The following RARB variants were observed in gnomAD, a reference collection of about 807,000 sequenced individuals.
The protein encoded by RARB is retinoic acid receptor beta.
A neutral mutation model predicts 51.9 loss-of-function variants in RARB; 17 were observed. The ratio of observed to expected loss-of-function variants is 0.33; its 90% CI spans 0.22 to 0.49. RARB has a LOEUF of 0.49. RARB is among the 20% of genes least tolerant of loss of function. The pLI is 0.99. For synonymous variants in RARB, 215 were observed against 195.4 expected (o/e 1.10, Z -0.84); for missense variants, 369 against 550.8 (o/e 0.67, Z 3.30).
At chr3:24,960,131 C>A (rs1356030077) in intron 2 of RARB, among the ~76,000 whole-genome samples, 1 of 152,166 alleles carries the variant, frequency 6.6e-6, no homozygotes, top group Non-Finnish European at 1.5e-5. Context: ...CTTTCCCTTT[C>A]AGGTTCTACC....
Position 25,379,344 on chromosome 3 carries a change from A to G in RARB, c.179-81849A>G, listed in dbSNP as rs141485270. 1.7e-4 allele frequency among the ~76,000 whole-genome samples: 26 copies of G among 152,290 alleles called. No individual in the cohort carries two copies. In the East Asian group the frequency reaches 4.4e-3, roughly 26 times the overall value. On this transcript the variant is annotated intron_variant, in intron 5 of 11. Coordinates refer to the RARB transcript ENST00000383772. ...CTTTCTACTATTTCTTGAACATGGA[A>G]ACAAAAAAAAATTACTAGACTCACA...
intron 5 of RARB, among the ~76,000 whole-genome samples, chr3:25,371,315 G>A (rs965642608): frequency 6.6e-5 from 10 of 152,114 alleles, no homozygotes; most frequent in Non-Finnish European, 1.2e-4. Context: ...GTTGGGATGT[G>A]GACAAGGCTT....
At chr3:25,557,295 A>T (rs892593246) in intron 3 of RARB, among the ~76,000 whole-genome samples, 1 of 152,204 alleles carries the variant, frequency 6.6e-6, no homozygotes, top group Non-Finnish European at 1.5e-5. Context: ...TCTATTTCAC[A>T]TTAAGTCAAT....
At chr3:24,874,353 T>G (rs1264448343) in intron 2 of RARB, among the ~76,000 whole-genome samples, 1 of 152,128 alleles carries the variant, frequency 6.6e-6, no homozygotes, top group Non-Finnish European at 1.5e-5. Context: ...AATTTTGTTC[T>G]TCATTGGTGA....
chr3:25,583,510 C>T (rs73151335), intron 5 of RARB, among the ~76,000 whole-genome samples: 1,740 of 152,322 alleles, frequency 0.011, 41 homozygotes, highest in African/African-American at 0.04. Flanking sequence ...TCCAACTGCA[C>T]GCCTGCCAGG....
upstream of RARB, among the ~76,000 whole-genome samples, chr3:25,426,556 C>A (rs1707994888): frequency 6.6e-6 from 1 of 152,176 alleles, no homozygotes; most frequent in Non-Finnish European, 1.5e-5. Flanking sequence ...TTTAAAAGGC[C>A]CGGATGCCAA....
At chr3:25,366,816 T>C (rs1008332516) in intron 5 of RARB, among the ~76,000 whole-genome samples, 1 of 152,198 alleles carries the variant, frequency 6.6e-6, no homozygotes, top group Non-Finnish European at 1.5e-5. Flanking sequence ...CTAAATATTA[T>C]CCTTGCATTT....
rs555691890 is a variant in RARB at position 25,237,686 on chromosome 3, C to T, written c.178+63111C>T. Reference sequence around the variant, plus strand: ...CCATCATCACTATCTAATTCCAGAACATGTTATATCACCCCAAAAAGAAAC... The same window carrying T: ...CCATCATCACTATCTAATTCCAGAATATGTTATATCACCCCAAAAAGAAAC... On this transcript the variant is annotated intron_variant, in intron 5 of 11. Coordinates refer to the RARB transcript ENST00000383772. Among the ~76,000 whole-genome samples the T allele has an allele frequency of 2.0e-3, 302 of 152,158 alleles. 3 individuals carry two copies. The highest frequency in any genetic ancestry group is 7.1e-3 in the African/African-American group (294 of 41,554).
chr3:25,484,592 A>G (rs1175499503), intron 2 of RARB, among the ~76,000 whole-genome samples: 2 of 152,300 alleles, frequency 1.3e-5, no homozygotes, highest in African/African-American at 4.8e-5. Flanking sequence ...AAAAATTAAT[A>G]TAACATATGA....
intron 3 of RARB, among the ~76,000 whole-genome samples, chr3:25,071,571 C>G (rs1040476678): frequency 3.9e-5 from 6 of 152,162 alleles, no homozygotes; most frequent in African/African-American, 1.4e-4. Flanking sequence ...AAACTTAGTT[C>G]TTTTGCTTCC....
chr3:25,175,516 C>G (rs940181474), intron 5 of RARB, among the ~76,000 whole-genome samples: 4 of 152,190 alleles, frequency 2.6e-5, no homozygotes, highest in Admixed American at 2.0e-4. Context: ...ATATTGTGCT[C>G]TTCGTGCCTT....
intron 1 of RARB, among the ~76,000 whole-genome samples, chr3:24,843,396 A>G (rs1702443409): frequency 6.6e-6 from 1 of 152,186 alleles, no homozygotes; most frequent in Admixed American, 6.5e-5. Flanking sequence ...GGGACCTCAG[A>G]AAAGGTACTT....
chr3:25,074,140 A>G (rs1282147100), intron 3 of RARB, among the ~76,000 whole-genome samples: 1 of 152,230 alleles, frequency 6.6e-6, no homozygotes. Flanking sequence ...ATTAAAGTGT[A>G]TGTTTTCAAT....
In RARB at chr3:25,104,715, C is replaced by G. The variant is rs567701255; in HGVS notation, c.-327-27446C>G. Among the ~76,000 whole-genome samples, 68 of 152,212 alleles carry G rather than the reference C, an allele frequency of 4.5e-4. 2 individuals carry two copies. Among genetic ancestry groups the G allele is most frequent in the Admixed American group, 3.9e-3 (60 of 15,282 alleles). ...CCAAACTGGAAAATATCCAAAGGCC[C>G]ATCAATGTTAGACATGATAAATTAG... On this transcript the variant is annotated intron_variant, in intron 3 of 11. Coordinates refer to the RARB transcript ENST00000383772.
intron 5 of RARB, among the ~76,000 whole-genome samples, chr3:25,333,512 A>G (rs1704967568): frequency 6.6e-6 from 1 of 152,154 alleles, no homozygotes; most frequent in African/African-American, 2.4e-5. Context: ...CTTACACCTT[A>G]TACAAAAATT....
chr3:25,065,186 A>T (rs991092769), intron 3 of RARB, among the ~76,000 whole-genome samples: 5 of 149,690 alleles, frequency 3.3e-5, no homozygotes, highest in Non-Finnish European at 7.4e-5. Flanking sequence ...AAAAATTGTT[A>T]TTATTTTAGT....
At chr3:25,154,901 G>A (rs990439785) in intron 4 of RARB, among the ~76,000 whole-genome samples, 5 of 152,188 alleles carry the variant, frequency 3.3e-5, no homozygotes, top group African/African-American at 1.2e-4. Flanking sequence ...TAGGCTGTGA[G>A]CTACTTGGGA....
intron 5 of RARB, among the ~76,000 whole-genome samples, chr3:25,334,445 C>T (rs1002101550): frequency 1.3e-4 from 20 of 152,178 alleles, no homozygotes; most frequent in Middle Eastern, 3.4e-3. Context: ...AAGCAAACAC[C>T]GCATGTTCTC....
intron 3 of RARB, among the ~76,000 whole-genome samples, chr3:25,103,967 C>T (rs770103088): frequency 2.0e-5 from 3 of 152,142 alleles, no homozygotes; most frequent in Non-Finnish European, 4.4e-5. Context: ...AGATTAGGTG[C>T]CCAATTAGCC....
Sources: gnomAD v4.1 joint callset for allele counts (sites outside exome capture counted in the v4.1 genomes callset) on GRCh38, gnomAD v4.1.1 for gene constraint, MANE v1.5 for transcripts, NCBI Gene and HGNC (gene_info 2026-07-23, HGNC 2026-07-21) for gene names.